The following TNIP1 variants were observed in gnomAD, a reference collection of about 807,000 sequenced individuals.
TNIP1 encodes the protein TNFAIP3 interacting protein 1, also known as TNFAIP3-interacting protein 1.
TNIP1 carries 22 observed loss-of-function variants against 86.6 expected under a neutral mutation model. The observed-to-expected ratio is 0.25, with a 90% CI of 0.18 to 0.36. The LOEUF (loss-of-function observed/expected upper bound fraction) is 0.36, where lower values mean the gene tolerates loss of function less well. TNIP1 is among the 10% of genes least tolerant of loss of function. TNIP1 has a pLI of 1.00. For missense variants in TNIP1, 709 were observed against 820.6 expected, an observed-to-expected ratio of 0.86 and a Z score of 1.66; for synonymous variants, 294 against 313.0, an observed-to-expected ratio of 0.94 and a Z score of 0.64.
intron 1 of TNIP1, among the ~76,000 whole-genome samples, chr5:151,067,383 G>A (rs1466856857): frequency 1.3e-5 from 2 of 152,232 alleles, no homozygotes; most frequent in Admixed American, 6.5e-5. Context: ...ATCTGGCTGG[G>A]AACTTCCTGA....
chr5:151,034,501 A>G, intron 15 of TNIP1: 1 of 288,294 alleles, frequency 3.5e-6, no homozygotes, highest in Non-Finnish European at 6.6e-6. Context: ...ATACATGGGC[A>G]CGGAAGGCTG....
At chr5:151,076,252 C>G (rs925540053) in intron 1 of TNIP1, among the ~76,000 whole-genome samples, 7 of 152,316 alleles carry the variant, frequency 4.6e-5, no homozygotes, top group African/African-American at 1.4e-4. Context: ...ACCCAGCTGC[C>G]CTGTGCCTTC....
intron 14 of TNIP1, 40 bp from the exon 15 acceptor site, chr5:151,035,107 G>A (rs1424017258): frequency 6.2e-7 from 1 of 1,600,956 alleles, no homozygotes; most frequent in Non-Finnish European, 8.5e-7. Flanking sequence ...GTCGGCACAG[G>A]TGGTTTCTGG....
At position 151,060,369 on chromosome 5, in the gene TNIP1, G is replaced by A; in HGVS notation, c.384C>T (p.Val128=). The A allele has an allele frequency of 6.2e-7, 1 of 1,614,164 alleles. No homozygotes were observed. Among genetic ancestry groups the A allele is most frequent in the South Asian group, 1.1e-5 (1 of 91,066 alleles). ...SSGTSSEFEV[V]TPEEQNSPES... ...CTGGTGAATTCTGCTCCTCAGGAGT[G>A]ACCACTTCAAATTCAGAGGAGGTGC... Residue 128 remains valine, a synonymous_variant, in exon 5 of 18, where the codon GTC becomes GTT. Coordinates refer to ENST00000521591, the MANE Select transcript of TNIP1 (RefSeq NM_006058.5).
intron 9 of TNIP1, 111 bp downstream of exon 9, chr5:151,045,750 C>T: frequency 9.5e-7 from 1 of 1,052,214 alleles, no homozygotes; most frequent in South Asian, 1.3e-5. Flanking sequence ...CATGCCAACT[C>T]CTCATGGTGA....
At chr5:151,052,370 AT>A (rs1176490472) in intron 6 of TNIP1, 111 bp from the exon 7 acceptor site, 53 of 865,460 alleles carry the variant, frequency 6.1e-5, no homozygotes, top group Non-Finnish European at 8.8e-5. Flanking sequence ...CCAACTCCTT[AT>A]CCCCTTTGCC....
In TNIP1 at chr5:151,034,999, C is replaced by A. The variant is rs772209371; in HGVS notation, c.1587+3G>T. The stretch of plus-strand genomic sequence containing the variant: ...TGCTGCTACCTCCCTCAAGCCTCCT[C>A]ACCTTTGCTTTCCTCTTCTGCTGTC... On this transcript the variant is annotated splice_donor_region_variant and intron_variant, in intron 15 of 17. Transcript: ENST00000521591. 1.3e-5 allele frequency: 21 copies of A among 1,613,992 alleles called. No homozygotes were observed. In the South Asian group the frequency reaches 1.9e-4, roughly 14 times the overall value.
intron 1 of TNIP1, among the ~76,000 whole-genome samples, chr5:151,086,449 G>A (rs1764280681): frequency 6.6e-6 from 1 of 152,164 alleles, no homozygotes; most frequent in Non-Finnish European, 1.5e-5. Context: ...TTGCTCCAGT[G>A]TTAAGGAGGG....
intron 1 of TNIP1, among the ~76,000 whole-genome samples, chr5:151,074,551 T>C (rs1763167734): frequency 6.6e-6 from 1 of 152,166 alleles, no homozygotes; most frequent in Admixed American, 6.5e-5. Flanking sequence ...GAGTTCTCTG[T>C]AAACCTTAAA....
intron 6 of TNIP1, among the ~76,000 whole-genome samples, chr5:151,056,440 C>T (rs1287996632): frequency 1.3e-5 from 2 of 152,186 alleles, no homozygotes; most frequent in African/African-American, 4.8e-5. Flanking sequence ...GGGAAAGAGG[C>T]ATTATGAAAG....
At chr5:151,047,499 A>G (rs1759328775) in intron 8 of TNIP1, among the ~76,000 whole-genome samples, 2 of 152,214 alleles carry the variant, frequency 1.3e-5, no homozygotes, top group African/African-American at 2.4e-5. Flanking sequence ...ACGACAGGAC[A>G]TGAGTGCAAA....
intron 12 of TNIP1, 75 bp downstream of exon 12, chr5:151,039,022 G>GT: frequency 6.5e-7 from 1 of 1,546,780 alleles, no homozygotes; most frequent in Non-Finnish European, 8.7e-7. Flanking sequence ...AATGGTTGGG[G>GT]GTGCCAGTGA....
At chr5:151,058,420 T>C (rs375893627) in intron 5 of TNIP1, among the ~76,000 whole-genome samples, 6 of 152,342 alleles carry the variant, frequency 3.9e-5, no homozygotes, top group African/African-American at 1.4e-4. Flanking sequence ...ACCAAAGACA[T>C]TGCCTTTGTT....
intron 11 of TNIP1, among the ~76,000 whole-genome samples, chr5:151,042,157 T>A (rs747003618): frequency 9.2e-5 from 14 of 152,082 alleles, no homozygotes; most frequent in Non-Finnish European, 1.3e-4. Flanking sequence ...GCCACGCTGA[T>A]CTTGAACTCC....
At chr5:151,085,748 T>C (rs1764252356), upstream of TNIP1, among the ~76,000 whole-genome samples, 1 of 152,208 alleles carries the variant, frequency 6.6e-6, no homozygotes, top group African/African-American at 2.4e-5. Context: ...TGGGCTTGCA[T>C]CCAGGGTTGC....
intron 5 of TNIP1, among the ~76,000 whole-genome samples, chr5:151,057,955 C>A (rs1461095626): frequency 6.6e-6 from 1 of 152,162 alleles, no homozygotes; most frequent in African/African-American, 2.4e-5. Flanking sequence ...AGTTCTGGAA[C>A]CACTCTCCCA....
chr5:151,084,926 C>A (rs1049757442), upstream of TNIP1, among the ~76,000 whole-genome samples: 1 of 152,190 alleles, frequency 6.6e-6, no homozygotes, highest in Non-Finnish European at 1.5e-5. Flanking sequence ...TAAAATTGTT[C>A]TAGGCAATTG....
intron 1 of TNIP1, among the ~76,000 whole-genome samples, chr5:151,070,866 TTCCACATTTG>T (rs1363422991): frequency 1.3e-5 from 2 of 152,008 alleles, no homozygotes; most frequent in Non-Finnish European, 2.9e-5. Context: ...ACACCTGCCA[TTCCACATTTG>T]TCCAAACCCA....
intron 6 of TNIP1, among the ~76,000 whole-genome samples, chr5:151,052,504 A>C (rs1423315073): frequency 6.6e-6 from 1 of 152,178 alleles, no homozygotes; most frequent in Non-Finnish European, 1.5e-5. Flanking sequence ...TGCTCCTCCA[A>C]GACAGACAGC....
Sources: gnomAD v4.1 joint callset for allele counts (sites outside exome capture counted in the v4.1 genomes callset) on GRCh38, gnomAD v4.1.1 for gene constraint, MANE v1.5 for transcripts, NCBI Gene and HGNC (gene_info 2026-07-23, HGNC 2026-07-21) for gene names.